USP53: variants seen among roughly 807,000 people sequenced by gnomAD.
The protein encoded by USP53 is ubiquitin specific peptidase 53, also known as ubiquitin carboxyl-terminal hydrolase 53.
In USP53, 71 loss-of-function variants were observed where a neutral mutation model predicts 94.9. The observed-to-expected ratio is 0.75, with a 90% CI of 0.62 to 0.91. USP53 has a LOEUF of 0.91. Ranked by LOEUF, USP53 falls within the 40% of genes least tolerant of loss-of-function variation. USP53 has a pLI of 0.00. For missense variants in USP53, 1,173 were observed against 1,281.0 expected, an observed-to-expected ratio of 0.92 and a Z score of 1.29; for synonymous variants, 375 against 422.7, an observed-to-expected ratio of 0.89 and a Z score of 1.39.
chr4:119,260,781 C>A, intron 11 of USP53, 128 bp downstream of exon 11: 1 of 968,898 alleles, frequency 1.0e-6, no homozygotes, highest in Non-Finnish European at 1.5e-6. Context: ...ACTACATAGA[C>A]TAGGAATGGC....
rs1349862256 is a variant in USP53 at position 119,295,111 on chromosome 4, A to G, written c.*1900A>G. ...TTGAAACATTTAAACTAATTTTTGT[A>G]TTTAACAGCAGTCTCAGACATTTGT... On this transcript the variant is annotated 3_prime_UTR_variant, in exon 19 of 19. Transcript: ENST00000692078. 1 of 151,936 alleles carries G rather than the reference A, an allele frequency of 6.6e-6. No homozygotes were observed. Among genetic ancestry groups the G allele is most frequent in the East Asian group, 1.9e-4 (1 of 5,192 alleles). 9.4% of individuals were successfully genotyped at this position (151,936 alleles called of 1,614,324 possible).
chr4:119,221,186 A>G (rs967642578), intron 3 of USP53: 15 of 152,220 alleles, frequency 9.9e-5, no homozygotes, highest in African/African-American at 3.4e-4. Context: ...ATCTTTGTCA[A>G]TATTTTCTGA....
intron 3 of USP53, among the ~76,000 whole-genome samples, chr4:119,227,207 A>C (rs1479558836): frequency 6.7e-6 from 1 of 148,896 alleles, no homozygotes; most frequent in Non-Finnish European, 1.5e-5. Context: ...ATGGTGCTGG[A>C]AAATTAGATT....
In USP53 at chr4:119,244,822, A is replaced by G. The variant is rs529886672; in HGVS notation, c.145-515A>G. ...CTGCTGCTTACTATGCTGTACCCCC[A>G]TTACCACACAGGCCCCCTTTCTTGT... is the stretch of plus-strand genomic sequence containing the variant. On this transcript the variant is annotated intron_variant, in intron 5 of 18. Coordinates refer to ENST00000692078, the MANE Select transcript of USP53 (RefSeq NM_001371395.1). 3.9e-5 allele frequency among the ~76,000 whole-genome samples: 6 copies of G among 152,214 alleles called. No homozygotes were observed. In the East Asian group the frequency reaches 1.2e-3, roughly 29 times the overall value.
chr4:119,235,696 A>G (rs150516199), intron 4 of USP53, among the ~76,000 whole-genome samples: 318 of 152,102 alleles, frequency 2.1e-3, no homozygotes, highest in African/African-American at 7.0e-3. Flanking sequence ...TAGACTTTAT[A>G]TTACTATTTC....
intron 6 of USP53, among the ~76,000 whole-genome samples, chr4:119,248,410 A>G (rs919302824): frequency 1.4e-5 from 2 of 139,368 alleles, no homozygotes; most frequent in African/African-American, 2.6e-5. Context: ...TAATTTTTGT[A>G]TGAAATTTTA....
intron 9 of USP53, 128 bp downstream of exon 9, chr4:119,256,651 C>T: frequency 1.1e-6 from 1 of 935,638 alleles, no homozygotes; most frequent in East Asian, 2.6e-5. Context: ...AAGTATGCTG[C>T]TGTGAGATGT....
At chr4:119,270,446 A>T (rs926100732) in intron 15 of USP53, among the ~76,000 whole-genome samples, 3 of 152,120 alleles carry the variant, frequency 2.0e-5, no homozygotes, top group Non-Finnish European at 4.4e-5. Context: ...ACTAAATCTA[A>T]ATATGCAAAA....
chr4:119,275,607 T>G (rs1017451212), intron 17 of USP53, among the ~76,000 whole-genome samples: 5 of 151,790 alleles, frequency 3.3e-5, no homozygotes, highest in African/African-American at 1.2e-4. Flanking sequence ...ATATGAACTT[T>G]CAAGTAGTTT....
intron 16 of USP53, 86 bp from the exon 17 acceptor site, chr4:119,273,546 A>T: frequency 1.0e-6 from 1 of 967,316 alleles, no homozygotes; most frequent in East Asian, 2.7e-5. Flanking sequence ...GCATATAATA[A>T]ATGTTTAACA....
At chr4:119,290,071 T>C (rs1292677859) in intron 17 of USP53, among the ~76,000 whole-genome samples, 2 of 152,216 alleles carry the variant, frequency 1.3e-5, no homozygotes, top group Admixed American at 6.5e-5. Context: ...TGTTTTACTC[T>C]GAACATTAAT....
chr4:119,249,724 G>A (rs1034116134), intron 7 of USP53, among the ~76,000 whole-genome samples: 3 of 146,820 alleles, frequency 2.0e-5, no homozygotes, highest in African/African-American at 7.6e-5. Flanking sequence ...GGGTGCAGTG[G>A]TGTGATCTCG....
chr4:119,276,265 T>C (rs796571104), intron 17 of USP53, among the ~76,000 whole-genome samples: 453 of 111,840 alleles, frequency 4.1e-3, no homozygotes, highest in Middle Eastern at 9.1e-3. Context: ...TATTTTGAAA[T>C]ACGTCCCATC....
rs115380152 is a variant in USP53, at chr4:119,270,576, A to G, written c.1436-720A>G. Among the ~76,000 whole-genome samples, 1,009 of 152,334 alleles carry G rather than the reference A, an allele frequency of 6.6e-3. 2 individuals are homozygous for G. The highest frequency in any genetic ancestry group is 0.01 in the Non-Finnish European group (701 of 68,034). ...TTCAAGTAATAAGGAAGTTTATAAA[A>G]TTAAGTGAAGGGACTCCTTTTCTGG... On this transcript the variant is annotated intron_variant, in intron 15 of 18. Coordinates refer to ENST00000692078, the MANE Select transcript of USP53 (RefSeq NM_001371395.1).
intron 7 of USP53, 102 bp from the exon 8 acceptor site, chr4:119,256,144 C>A: frequency 1.3e-6 from 1 of 780,284 alleles, no homozygotes; most frequent in Non-Finnish European, 2.0e-6. Context: ...ATGTATGACA[C>A]TCTTAAATTT....
At chr4:119,226,786 A>G (rs1412932944) in intron 3 of USP53, among the ~76,000 whole-genome samples, 1 of 152,172 alleles carries the variant, frequency 6.6e-6, no homozygotes, top group Non-Finnish European at 1.5e-5. Context: ...CCAACCTAGT[A>G]GAATAGAGAG....
At chr4:119,258,824 T>G (rs1199850363) in intron 9 of USP53, among the ~76,000 whole-genome samples, 2 of 152,188 alleles carry the variant, frequency 1.3e-5, no homozygotes, top group Non-Finnish European at 1.5e-5. Flanking sequence ...GAAGGAATTT[T>G]GGGAGCTACA....
In USP53 at chr4:119,239,721, TAC is replaced by T; in HGVS notation, c.-37_-36del. 1 of 1,576,344 alleles carries T rather than the reference TAC, an allele frequency of 6.3e-7. No homozygotes were observed. The highest frequency in any genetic ancestry group is 8.6e-7 in the Non-Finnish European group (1 of 1,162,504). On this transcript the variant is annotated 5_prime_UTR_variant, in exon 5 of 19. Transcript: ENST00000692078. ...TTGTCCAAAATATTACATAAAAGTG[TAC>T]AGTTTTTAGCCTAAATGCAAACAAA...
Position 119,293,279 on chromosome 4 carries a change from T to C in USP53, c.*68T>C. The C allele has an allele frequency of 6.7e-7, 1 of 1,490,484 alleles. No homozygotes were observed. The highest frequency in any genetic ancestry group is 1.4e-5 in the African/African-American group (1 of 71,516). 92.3% of individuals were successfully genotyped at this position (1,490,484 alleles called of 1,614,324 possible). On this transcript the variant is annotated 3_prime_UTR_variant, in exon 19 of 19. Transcript: ENST00000692078. ...CAAGCTGCCCTTCTGAACAAAGATA[T>C]AAACCTAGCATACATTGTAATAGAT...
Sources: gnomAD v4.1 joint callset for allele counts (sites outside exome capture counted in the v4.1 genomes callset) on GRCh38, gnomAD v4.1.1 for gene constraint, MANE v1.5 for transcripts, NCBI Gene and HGNC (gene_info 2026-07-23, HGNC 2026-07-21) for gene names.